SEMA5A: variants seen among roughly 807,000 people sequenced by gnomAD.
SEMA5A encodes semaphorin-5A.
Under a neutral mutation model 135.5 loss-of-function variants are expected in SEMA5A, and 55 were observed. That is an observed-to-expected ratio of 0.41 (90% CI 0.33 to 0.51). The LOEUF is 0.51. SEMA5A is among the 20% of genes least tolerant of loss of function. The pLI, the probability that SEMA5A is intolerant of heterozygous loss-of-function variation, is 0.37. For missense variants in SEMA5A, 1,290 were observed against 1,419.9 expected (o/e 0.91, Z 1.47); for synonymous variants, 580 against 546.5 (o/e 1.06, Z -0.85).
chr5:9,296,976 G>A (rs572738223), intron 5 of SEMA5A, among the ~76,000 whole-genome samples: 143 of 151,502 alleles, frequency 9.4e-4, no homozygotes, highest in African/African-American at 3.2e-3. Flanking sequence ...TACTATGGGC[G>A]GAAACTTCTT....
intron 13 of SEMA5A, among the ~76,000 whole-genome samples, chr5:9,135,570 T>C (rs1426498777): frequency 1.3e-5 from 2 of 152,106 alleles, no homozygotes; most frequent in African/African-American, 4.8e-5. Context: ...GGAAACAGGC[T>C]GACTGTTGCA....
intron 3 of SEMA5A, among the ~76,000 whole-genome samples, chr5:9,347,555 C>CT (rs781208451): frequency 6.7e-4 from 100 of 148,958 alleles, no homozygotes; most frequent in Non-Finnish European, 1.1e-3. Context: ...TTTTTCTTTT[C>CT]TTTTTTTTTT....
At chr5:9,374,627 G>A in intron 3 of SEMA5A, among the ~76,000 whole-genome samples, 1 of 82,408 alleles carries the variant, frequency 1.2e-5, no homozygotes, top group South Asian at 4.7e-4. Flanking sequence ...GACATCGTGT[G>A]TGTGTGTGTG....
chr5:9,229,210 C>A (rs1747483400), intron 6 of SEMA5A, among the ~76,000 whole-genome samples: 1 of 152,150 alleles, frequency 6.6e-6, no homozygotes, highest in South Asian at 2.1e-4. Flanking sequence ...GGAAAACAAC[C>A]ACAAAGACCT....
chr5:9,405,053 G>A (rs1000685213), intron 2 of SEMA5A, among the ~76,000 whole-genome samples: 1 of 152,148 alleles, frequency 6.6e-6, no homozygotes, highest in Non-Finnish European at 1.5e-5. Context: ...TGTTAAGCAA[G>A]ATATTCATTA....
At chr5:9,356,969 C>T (rs1243887411) in intron 3 of SEMA5A, among the ~76,000 whole-genome samples, 5 of 152,146 alleles carry the variant, frequency 3.3e-5, no homozygotes, top group Non-Finnish European at 7.3e-5. Context: ...GAGAAAGCCC[C>T]GAACGATGAG....
chr5:9,307,724 T>A (rs1223278332), intron 5 of SEMA5A, among the ~76,000 whole-genome samples: 1 of 152,126 alleles, frequency 6.6e-6, no homozygotes, highest in African/African-American at 2.4e-5. Context: ...TGCCCATCAC[T>A]CAGCAGTCAT....
intron 1 of SEMA5A, among the ~76,000 whole-genome samples, chr5:9,500,965 G>A (rs201772493): frequency 6.6e-6 from 1 of 152,012 alleles, no homozygotes; most frequent in Non-Finnish European, 1.5e-5. Context: ...TAAATATCAA[G>A]CTAAGTTAAT....
At chr5:9,281,290 A>T (rs567335934) in intron 5 of SEMA5A, among the ~76,000 whole-genome samples, 2 of 152,294 alleles carry the variant, frequency 1.3e-5, no homozygotes, top group South Asian at 4.1e-4. Flanking sequence ...ACCTAATTCA[A>T]TCCAGCCAAG....
At chr5:9,514,642 C>G (rs1178837554) in intron 1 of SEMA5A, among the ~76,000 whole-genome samples, 2 of 152,168 alleles carry the variant, frequency 1.3e-5, no homozygotes, top group Non-Finnish European at 2.9e-5. Context: ...AGTTGTTATA[C>G]TGTATTGCTT....
chr5:9,276,950 A>G (rs1750294856), intron 5 of SEMA5A, among the ~76,000 whole-genome samples: 1 of 152,244 alleles, frequency 6.6e-6, no homozygotes, highest in Admixed American at 6.5e-5. Context: ...ACAAAAGCCA[A>G]AAGAGACAAA....
At chr5:9,257,397 T>C (rs1365587998) in intron 5 of SEMA5A, among the ~76,000 whole-genome samples, 1 of 152,092 alleles carries the variant, frequency 6.6e-6, no homozygotes, top group Non-Finnish European at 1.5e-5. Flanking sequence ...GCACAACTAT[T>C]CTAAGTGGAA....
At chr5:9,450,644 T>C (rs1385723794) in intron 1 of SEMA5A, among the ~76,000 whole-genome samples, 1 of 151,866 alleles carries the variant, frequency 6.6e-6, no homozygotes, top group Non-Finnish European at 1.5e-5. Flanking sequence ...CAGAGAAAAG[T>C]TTGAAGGAGC....
intron 1 of SEMA5A, among the ~76,000 whole-genome samples, chr5:9,441,347 A>G (rs1352596825): frequency 6.6e-6 from 1 of 152,206 alleles, no homozygotes; most frequent in Non-Finnish European, 1.5e-5. Flanking sequence ...GACACAGTGA[A>G]GTATGTTTTA....
intron 1 of SEMA5A, among the ~76,000 whole-genome samples, chr5:9,448,553 T>G (rs1449755213): frequency 1.3e-5 from 2 of 152,244 alleles, no homozygotes; most frequent in African/African-American, 4.8e-5. Context: ...AGTATTAAAC[T>G]GACTGCTGGT....
intron 18 of SEMA5A, among the ~76,000 whole-genome samples, chr5:9,059,888 T>G (rs1253584528): frequency 6.6e-6 from 1 of 152,184 alleles, no homozygotes. Context: ...GGAAACATAT[T>G]TTTAAATAAA....
chr5:9,106,085 C>T (rs1230210879), intron 16 of SEMA5A, among the ~76,000 whole-genome samples: 3 of 152,172 alleles, frequency 2.0e-5, no homozygotes, highest in South Asian at 4.1e-4. Flanking sequence ...TATACTCCTA[C>T]CACTGAGAAG....
intron 10 of SEMA5A, among the ~76,000 whole-genome samples, chr5:9,195,568 A>G (rs1745343744): frequency 6.6e-6 from 1 of 152,216 alleles, no homozygotes; most frequent in South Asian, 2.1e-4. Flanking sequence ...ATGCATTTTT[A>G]TCCCTTTCCC....
chr5:9,360,909 G>C (rs1469135103), intron 3 of SEMA5A, among the ~76,000 whole-genome samples: 1 of 152,132 alleles, frequency 6.6e-6, no homozygotes, highest in East Asian at 1.9e-4. Context: ...TTCTTTAACA[G>C]CAAAGGATTA....
Sources: gnomAD v4.1 joint callset for allele counts (sites outside exome capture counted in the v4.1 genomes callset) on GRCh38, gnomAD v4.1.1 for gene constraint, MANE v1.5 for transcripts, NCBI Gene and HGNC (gene_info 2026-07-23, HGNC 2026-07-21) for gene names.